PRR16: variants seen among roughly 807,000 people sequenced by gnomAD.
The protein encoded by PRR16 is protein Largen.
Under a neutral mutation model 18.2 loss-of-function variants are expected in PRR16, and 6 were observed. The ratio of observed to expected loss-of-function variants is 0.33; its 90% confidence interval spans 0.18 to 0.65. PRR16 has a LOEUF of 0.65. PRR16 is among the 30% of genes least tolerant of loss of function. The pLI is 0.74. For synonymous variants in PRR16, 151 were observed against 147.8 expected (o/e 1.02, Z -0.16); for missense variants, 412 against 376.6 (o/e 1.09, Z -0.78).
intron 1 of PRR16, among the ~76,000 whole-genome samples, chr5:120,501,345 A>G (rs1202290306): frequency 6.6e-6 from 1 of 152,220 alleles, no homozygotes; most frequent in Non-Finnish European, 1.5e-5. Flanking sequence ...ATCCATCAAA[A>G]GCTTAACTAG....
At chr5:120,588,003 A>G (rs6859384) in intron 1 of PRR16, among the ~76,000 whole-genome samples, 2,065 of 152,302 alleles carry the variant, frequency 0.014, 39 homozygotes, top group African/African-American at 0.047. Flanking sequence ...AGTTGATTCC[A>G]ACCCTCATGG....
intron 1 of PRR16, among the ~76,000 whole-genome samples, chr5:120,602,988 G>T (rs1754035336): frequency 2.0e-5 from 3 of 151,954 alleles, no homozygotes; most frequent in Admixed American, 6.6e-5. Context: ...GAGGATGTTT[G>T]CATCTATGTT....
At chr5:120,476,077 A>G (rs904815538) in intron 1 of PRR16, among the ~76,000 whole-genome samples, 2 of 152,132 alleles carry the variant, frequency 1.3e-5, no homozygotes, top group African/African-American at 4.8e-5. Context: ...TGGTGTTTTA[A>G]TAGCCCTAGA....
chr5:120,583,605 A>C (rs1170730357), intron 1 of PRR16, among the ~76,000 whole-genome samples: 1 of 152,186 alleles, frequency 6.6e-6, no homozygotes. Flanking sequence ...CTGTGTCAAG[A>C]CTGCCTTTAG....
At chr5:120,775,632 C>CG in the PRR16 span, among the ~76,000 whole-genome samples, 121 of 137,564 alleles carry the variant, frequency 8.8e-4, no homozygotes, top group African/African-American at 2.5e-3. Context: ...TTTCTTTCTC[C>CG]TTTTTTTTTT....
chr5:120,573,978 C>T (rs1263673463), intron 1 of PRR16, among the ~76,000 whole-genome samples: 1 of 151,018 alleles, frequency 6.6e-6, no homozygotes, highest in Non-Finnish European at 1.5e-5. Context: ...TAAAAGTGAA[C>T]AGAAAAACAT....
chr5:120,495,107 T>C (rs1303031435), intron 1 of PRR16, among the ~76,000 whole-genome samples: 1 of 152,140 alleles, frequency 6.6e-6, no homozygotes, highest in Admixed American at 6.5e-5. Context: ...TTTAGGCTAA[T>C]TGTGTCAATA....
intron 1 of PRR16, chr5:120,481,256 T>TCCTGCCTCAG: frequency 2.0e-6 from 1 of 490,022 alleles, no homozygotes; most frequent in Non-Finnish European, 3.8e-6. Context: ...CAAGCTATTC[T>TCCTGCCTCAG]CCTGCCTCAG....
At chr5:120,535,076 C>T (rs1055020669) in intron 1 of PRR16, among the ~76,000 whole-genome samples, 4 of 146,336 alleles carry the variant, frequency 2.7e-5, no homozygotes, top group South Asian at 2.2e-4. Context: ...TCACTTTACA[C>T]GTGTGTGTGT....
chr5:120,497,825 T>C (rs1750309601), intron 1 of PRR16, among the ~76,000 whole-genome samples: 3 of 151,478 alleles, frequency 2.0e-5, no homozygotes, highest in Admixed American at 6.6e-5. Flanking sequence ...ATATATATTT[T>C]TTTATTTGAA....
the PRR16 span, among the ~76,000 whole-genome samples, chr5:120,773,706 G>A: frequency 6.6e-6 from 1 of 152,084 alleles, no homozygotes; most frequent in African/African-American, 2.4e-5. Context: ...AAGAGTTGGA[G>A]AGGGAATGTC....
chr5:120,578,410 C>T (rs1228221925), intron 1 of PRR16, among the ~76,000 whole-genome samples: 8 of 152,012 alleles, frequency 5.3e-5, no homozygotes, highest in Non-Finnish European at 7.4e-5. Flanking sequence ...CCTCCACCCC[C>T]GAAAAGGCCC....
intron 1 of PRR16, among the ~76,000 whole-genome samples, chr5:120,676,395 A>C (rs1756796853): frequency 6.6e-6 from 1 of 151,966 alleles, no homozygotes. Context: ...CCCGTTCCTG[A>C]ATTTGGACAT....
chr5:120,629,619 T>A lies in PRR16; in HGVS notation c.160-56335T>A, dbSNP rs375416290. Reference sequence around the variant, plus strand: ...TTTATACAACATTGCTTCTTTAAATTTACTGACATGCTTTCCAATTTCTTG... The same window carrying A: ...TTTATACAACATTGCTTCTTTAAATATACTGACATGCTTTCCAATTTCTTG... On this transcript the variant is annotated intron_variant, in intron 1 of 1. Transcript: ENST00000407149. Among the ~76,000 whole-genome samples, 64 of 152,286 alleles carry A rather than the reference T, an allele frequency of 4.2e-4. 1 individual carries two copies. In the South Asian group the frequency reaches 0.013, roughly 30 times the overall value.
chr5:120,731,372 T>G, the PRR16 span, among the ~76,000 whole-genome samples: 1 of 152,184 alleles, frequency 6.6e-6, no homozygotes, highest in African/African-American at 2.4e-5. Context: ...CCAATAAAAT[T>G]TGGGGATTGC....
At chr5:120,556,697 A>G (rs1290117149) in intron 1 of PRR16, among the ~76,000 whole-genome samples, 1 of 151,876 alleles carries the variant, frequency 6.6e-6, no homozygotes, top group Non-Finnish European at 1.5e-5. Context: ...CCCTCTGAGC[A>G]GATAAATTAT....
chr5:120,785,405 C>A, the PRR16 span, among the ~76,000 whole-genome samples: 1 of 151,868 alleles, frequency 6.6e-6, no homozygotes, highest in African/African-American at 2.4e-5. Flanking sequence ...CATCATGACG[C>A]CTTATTTCAG....
chr5:120,632,268 CA>C (rs1461308927), intron 1 of PRR16, among the ~76,000 whole-genome samples: 1 of 152,016 alleles, frequency 6.6e-6, no homozygotes, highest in Non-Finnish European at 1.5e-5. Flanking sequence ...ATAATCTACC[CA>C]AATGAGAAAG....
intron 1 of PRR16, among the ~76,000 whole-genome samples, chr5:120,669,743 A>T (rs972074133): frequency 6.6e-6 from 1 of 152,124 alleles, no homozygotes; most frequent in Non-Finnish European, 1.5e-5. Context: ...TCAGTAAAAG[A>T]GAAAGTCTTG....
Sources: allele counts gnomAD v4.1 joint callset (sites outside exome capture counted in the v4.1 genomes callset), GRCh38; gene constraint gnomAD v4.1.1; transcripts MANE v1.5; gene names NCBI Gene and HGNC (gene_info 2026-07-23, HGNC 2026-07-21).